Variants in TBRG4 observed in about 807,000 individuals in gnomAD.
TBRG4 encodes the protein FAST kinase domain-containing protein 4.
TBRG4 carries 43 observed loss-of-function variants against 65.6 expected under a neutral mutation model. The observed-to-expected ratio is 0.66, with a 90% CI of 0.51 to 0.85. The LOEUF is 0.85. Among genes scored for constraint, TBRG4 ranks in the 40% least tolerant of loss-of-function variants. The pLI is 0.00. For missense variants in TBRG4, 709 were observed against 787.9 expected, an observed-to-expected ratio of 0.90 and a Z score of 1.20; for synonymous variants, 366 against 341.4, an observed-to-expected ratio of 1.07 and a Z score of -0.79.
chr7:45,104,093 G>A lies in TBRG4; in HGVS notation c.1065+6C>T. Reference sequence around the variant, plus strand: ...TTCTCTGAGTTGGGGCCAGGCCCTGGCTCACCTGGGCAAAGGCCTCAAACA... The same window carrying A: ...TTCTCTGAGTTGGGGCCAGGCCCTGACTCACCTGGGCAAAGGCCTCAAACA... On this transcript the variant is annotated splice_donor_region_variant and intron_variant, in intron 5 of 10. Transcript: ENST00000258770. The A allele has an allele frequency of 6.3e-7, 1 of 1,594,414 alleles. No individual in the cohort carries two copies.
At position 45,100,416 on chromosome 7, in the gene TBRG4, T is replaced by C. The variant is rs1181968998; in HGVS notation, c.1805A>G (p.Tyr602Cys). The C allele has an allele frequency of 8.1e-6, 13 of 1,614,052 alleles. No homozygotes were observed. The highest frequency in any genetic ancestry group is 6.7e-5 in the Admixed American group (4 of 60,034). ...TTCAGACTTGAGTTCCAGCCACTCA[T>C]AGAATGGGACCTAGAAGGAGGCAGG... The part of the protein sequence containing the change: ...AGFLIVDVPF[Y>C]EWLELKSEWQ... The change falls in exon 11 of 11, where the codon TAT becomes TGT. Residue 602 changes from tyrosine to cysteine, a missense_variant. Physicochemically the swap from Tyr to Cys is radical, Grantham distance 194. Transcript: ENST00000258770.
intron 6 of TBRG4, 45 bp from the exon 7 acceptor site, chr7:45,102,536 G>A (rs754728524): frequency 1.9e-6 from 3 of 1,590,664 alleles, no homozygotes; most frequent in Middle Eastern, 2.2e-4. Context: ...CTCTCCTTAG[G>A]GGCTGCAAAT....
Position 45,108,856 on chromosome 7 carries a change from G to C in TBRG4, c.382C>G (p.His128Asp), listed in dbSNP as rs1785034462. ...CTGTTGAGCAGACAGAGAAGTTGAT[G>C]AAAGTGGGCATCCTGTATGAGCAAG... is the stretch of plus-strand genomic sequence containing the variant. ...KGLLIQDAHF[H>D]QLLCLLNSQI... Residue 128 changes from histidine to aspartate, a missense_variant, in exon 2 of 11, where the codon CAT (histidine) becomes GAT (aspartate). His to Asp is a moderately conservative substitution (Grantham distance 81, BLOSUM62 -1). Transcript: ENST00000258770. The C allele has an allele frequency of 6.5e-7, 1 of 1,543,814 alleles. No homozygotes were observed. The highest frequency in any genetic ancestry group is 1.4e-5 in the African/African-American group (1 of 72,468).
chr7:45,104,748 T>C (rs1562935942), intron 3 of TBRG4, 39 bp from the exon 4 acceptor site: 1 of 1,603,230 alleles, frequency 6.2e-7, no homozygotes, highest in Non-Finnish European at 8.5e-7. Context: ...CTCAATGGCC[T>C]GGGGTGGCAG....
chr7:45,100,518 C>T, intron 10 of TBRG4, 92 bp from the exon 11 acceptor site: 1 of 996,686 alleles, frequency 1.0e-6, no homozygotes, highest in South Asian at 1.4e-5. Context: ...TCACATTGAC[C>T]CCTCACCCAA....
Position 45,108,910 on chromosome 7 carries a change from A to G in TBRG4, c.328T>C (p.Leu110=), listed in dbSNP as rs2128646586. 1 of 1,600,760 alleles carries G rather than the reference A, an allele frequency of 6.2e-7. No individual in the cohort carries two copies. The highest frequency in any genetic ancestry group is 2.2e-5 in the East Asian group (1 of 44,844). Residue 110 remains leucine, a synonymous_variant, in exon 2 of 11, where the codon TTG becomes CTG. Coordinates refer to ENST00000258770, the MANE Select transcript of TBRG4 (RefSeq NM_004749.4). ...TTATCTTCTGGCTTCTCAGACAGCA[A>G]GTGAGAGAGCCGGATAAGTACCATT... is the stretch of plus-strand genomic sequence containing the variant. ...AAMVLIRLSH[L]LSEKPEDKGL... is the part of the protein sequence containing the mutation.
At chr7:45,104,448 T>C in intron 4 of TBRG4, 90 bp downstream of exon 4, 3 of 1,599,592 alleles carry the variant, frequency 1.9e-6, no homozygotes, top group South Asian at 1.1e-5. Context: ...GTGCCTACCA[T>C]GCATAGGACA....
chr7:45,100,562 C>G, intron 10 of TBRG4, 136 bp from the exon 11 acceptor site: 2 of 673,130 alleles, frequency 3.0e-6, no homozygotes, highest in Non-Finnish European at 5.2e-6. Flanking sequence ...GCACACCTGC[C>G]CCTTGGCCTC....
Position 45,100,386 on chromosome 7 carries a change from T to C in TBRG4, c.1835A>G (p.Gln612Arg). The C allele has an allele frequency of 6.2e-7, 1 of 1,614,206 alleles. No homozygotes were observed. Among genetic ancestry groups the C allele is most frequent in the Non-Finnish European group, 8.5e-7 (1 of 1,180,036 alleles). ...YEWLELKSEWQKGAYLKDKMR... is the reference protein window; with the variant it reads ...YEWLELKSEWRKGAYLKDKMR... ...CTTGTCCTTGAGGTAGGCGCCTTTC[T>C]GCCATTCAGACTTGAGTTCCAGCCA... Residue 612 changes from glutamine (Q) to arginine (R), a missense_variant, in exon 11 of 11, where the codon CAG (glutamine) becomes CGG (arginine). Gln to Arg is a conservative substitution (Grantham distance 43). Transcript: ENST00000258770.
chr7:45,104,292 G>A, intron 4 of TBRG4, 36 bp from the exon 5 acceptor site: 1 of 1,612,630 alleles, frequency 6.2e-7, no homozygotes, highest in Non-Finnish European at 8.5e-7. Context: ...TTTAGCTGGA[G>A]AGAGTCAGCA....
Position 45,101,808 on chromosome 7 carries a change from C to T in TBRG4, c.1567+17G>A, listed in dbSNP as rs771419232. 1.2e-6 allele frequency: 2 copies of T among 1,602,570 alleles called. No individual in the cohort carries two copies. Among genetic ancestry groups the T allele is most frequent in the Admixed American group, 3.3e-5 (2 of 59,828 alleles). On this transcript the variant is annotated intron_variant, in intron 8 of 10. Coordinates refer to ENST00000258770, the MANE Select transcript of TBRG4 (RefSeq NM_004749.4). Reference sequence around the variant, plus strand: ...CAGGCAATGCCAGGCCCTGTGCCAACCAGGGGGAGCCCTCACCCAGCACCC... The same window carrying T: ...CAGGCAATGCCAGGCCCTGTGCCAATCAGGGGGAGCCCTCACCCAGCACCC...
Position 45,109,265 on chromosome 7 carries a change from C to T in TBRG4, c.-28G>A. 2 of 1,543,336 alleles carry T rather than the reference C, an allele frequency of 1.3e-6. No homozygotes were observed. Among genetic ancestry groups the T allele is most frequent in the Non-Finnish European group, 1.7e-6 (2 of 1,147,312 alleles). ...TGTCCTGGGTGGCAGAGAGACAAGACTCCTAGCAAGTGATTCCAAACCCTG... is the reference window on the plus strand; with the variant it reads ...TGTCCTGGGTGGCAGAGAGACAAGATTCCTAGCAAGTGATTCCAAACCCTG... On this transcript the variant is annotated 5_prime_UTR_variant, in exon 2 of 11. Transcript: ENST00000258770.
At chr7:45,107,992 T>C (rs1785012995) in intron 2 of TBRG4, among the ~76,000 whole-genome samples, 1 of 152,222 alleles carries the variant, frequency 6.6e-6, no homozygotes, top group African/African-American at 2.4e-5. Context: ...TTACTATATG[T>C]GATGAATTCT....
rs1348920028 is a variant in TBRG4 at position 45,105,930 on chromosome 7, C to T, written c.412-166G>A. On this transcript the variant is annotated intron_variant, in intron 2 of 10. Transcript: ENST00000258770. Reference sequence around the variant, plus strand: ...GTAACAGGGCCCCAGTGCCTGGCTGCTCCTCACAGCCTTGCTCAGCCTCGA... The same window carrying T: ...GTAACAGGGCCCCAGTGCCTGGCTGTTCCTCACAGCCTTGCTCAGCCTCGA... 3.3e-6 allele frequency: 3 copies of T among 918,538 alleles called. No homozygotes were observed. In the East Asian group the frequency reaches 7.2e-5, roughly 22 times the overall value. The allele number at this position is 918,538 out of a possible 1,614,324, so 56.9% of individuals were successfully genotyped here.
rs539430712 is a variant in TBRG4 at position 45,103,988 on chromosome 7, C to G, written c.1065+111G>C. 3 of 1,369,546 alleles carry G rather than the reference C, an allele frequency of 2.2e-6. No individual in the cohort carries two copies. The African/African-American group carries it at 4.4e-5, about 20-fold the overall frequency. 84.8% of individuals were successfully genotyped at this position (1,369,546 alleles called of 1,614,324 possible). ...CAAAATGCAAGAAATATGTATTTGC[C>G]CCCACAAGTGAGCATTTTCAGACTG... On this transcript the variant is annotated intron_variant, in intron 5 of 10. Transcript: ENST00000258770.
chr7:45,101,791 G>A (rs1784772627), intron 8 of TBRG4, 34 bp downstream of exon 8: 2 of 1,600,822 alleles, frequency 1.2e-6, no homozygotes, highest in Non-Finnish European at 8.5e-7. Flanking sequence ...CTCAGGCAAT[G>A]CCAGGCCCTG....
At chr7:45,102,194 A>C in intron 7 of TBRG4, 124 bp from the exon 8 acceptor site, 2 of 1,534,282 alleles carry the variant, frequency 1.3e-6, no homozygotes, top group Non-Finnish European at 1.8e-6. Context: ...GAGGCAGCAG[A>C]GTTACGGTCT....
intron 8 of TBRG4, 27 bp downstream of exon 8, chr7:45,101,798 C>T: frequency 6.2e-7 from 1 of 1,601,520 alleles, no homozygotes; most frequent in Non-Finnish European, 8.5e-7. Flanking sequence ...AATGCCAGGC[C>T]CTGTGCCAAC....
chr7:45,100,560 G>T lies in TBRG4; in HGVS notation c.1795-134C>A, dbSNP rs970308689. ...TGCTGACCAACAGCTCTGCACACCT[G>T]CCCCTTGGCCTCCAAGTCTTCAAGG... On this transcript the variant is annotated intron_variant, in intron 10 of 10. Transcript: ENST00000258770. The T allele has an allele frequency of 3.4e-5, 23 of 677,662 alleles. No homozygotes were observed. The African/African-American group carries it at 3.6e-4, about 11-fold the overall frequency. The allele number at this position is 677,662 out of a possible 1,614,324, so 42.0% of individuals were successfully genotyped here. A position where few individuals can be genotyped will look rare whatever the true frequency, so the allele number is the denominator to read the frequency against.
Sources: allele counts gnomAD v4.1 joint callset (sites outside exome capture counted in the v4.1 genomes callset), GRCh38; gene constraint gnomAD v4.1.1; transcripts MANE v1.5; gene names NCBI Gene and HGNC (gene_info 2026-07-23, HGNC 2026-07-21).